Variants in ACER3 observed in about 807,000 individuals in gnomAD.
The protein encoded by ACER3 is alkCDase 3.
Under a neutral mutation model 48.9 loss-of-function variants are expected in ACER3, and 16 were observed. The observed-to-expected ratio is 0.33, with a 90% confidence interval of 0.22 to 0.50. The LOEUF (loss-of-function observed/expected upper bound fraction) is 0.50, where lower values mean the gene tolerates loss of function less well. ACER3 is among the 20% of genes least tolerant of loss of function. The probability of loss-of-function intolerance (pLI) is 0.98; values close to 1 mark genes in which losing one functional copy is unlikely to be tolerated. For missense variants in ACER3, 227 were observed against 326.0 expected, an observed-to-expected ratio of 0.70 and a Z score of 2.34; for synonymous variants, 109 against 107.8, an observed-to-expected ratio of 1.01 and a Z score of -0.07.
chr11:76,998,566 A>G, intron 6 of ACER3, 197 bp from the exon 7 acceptor site: 1 of 494,138 alleles, frequency 2.0e-6, no homozygotes, highest in South Asian at 2.8e-5. Context: ...TAATAAAGTT[A>G]AGCAGACTCT....
chr11:76,942,692 T>C (rs1420536110), intron 2 of ACER3, among the ~76,000 whole-genome samples: 2 of 152,046 alleles, frequency 1.3e-5, no homozygotes, highest in Non-Finnish European at 2.9e-5. Flanking sequence ...ATGGTGATTC[T>C]GGCTTTGTAG....
chr11:76,945,812 G>C (rs1459783429), intron 2 of ACER3, among the ~76,000 whole-genome samples: 1 of 152,190 alleles, frequency 6.6e-6, no homozygotes, highest in African/African-American at 2.4e-5. Flanking sequence ...CAATCCACTG[G>C]GAGCCACGTG....
chr11:76,887,811 C>CTTTTTTTTTTTTTTTTTTTTTT (rs67954212), intron 1 of ACER3, among the ~76,000 whole-genome samples: 1 of 87,188 alleles, frequency 1.1e-5, no homozygotes, highest in Admixed American at 1.4e-4. Flanking sequence ...CTATAGGTAA[C>CTTTTTTTTTTTTTTTTTTTTTT]TTTTTTTTTT....
At chr11:76,964,984 A>G (rs537049363) in intron 3 of ACER3, among the ~76,000 whole-genome samples, 1 of 151,522 alleles carries the variant, frequency 6.6e-6, no homozygotes, top group African/African-American at 2.5e-5. Context: ...AGTTGAGAGA[A>G]GAAGGCTTCA....
At chr11:77,014,661 C>A (rs1424526779) in intron 7 of ACER3, among the ~76,000 whole-genome samples, 1 of 152,210 alleles carries the variant, frequency 6.6e-6, no homozygotes, top group Non-Finnish European at 1.5e-5. Flanking sequence ...TATTTCTCAG[C>A]ACCTTTTATT....
intron 1 of ACER3, among the ~76,000 whole-genome samples, chr11:76,906,121 T>G (rs1319680673): frequency 2.0e-5 from 3 of 152,224 alleles, no homozygotes; most frequent in Non-Finnish European, 4.4e-5. Context: ...ATTTCGTTTA[T>G]AGTTTTTAAC....
At chr11:77,019,643 A>T in intron 9 of ACER3, 88 bp from the exon 10 acceptor site, 5 of 1,288,770 alleles carry the variant, frequency 3.9e-6, no homozygotes, top group Non-Finnish European at 4.5e-6. Flanking sequence ...GTACATGCAG[A>T]AGCACTATGG....
chr11:77,004,105 C>T (rs1949086665), intron 7 of ACER3, among the ~76,000 whole-genome samples: 1 of 152,186 alleles, frequency 6.6e-6, no homozygotes, highest in African/African-American at 2.4e-5. Flanking sequence ...CAGTGTTCCC[C>T]ATGACTACCC....
intron 2 of ACER3, among the ~76,000 whole-genome samples, chr11:76,928,958 C>T (rs1474910394): frequency 6.6e-6 from 1 of 152,068 alleles, no homozygotes; most frequent in Non-Finnish European, 1.5e-5. Flanking sequence ...TTTTTTAGTT[C>T]CATATGAACT....
At chr11:76,978,376 T>G (rs1336165406) in intron 4 of ACER3, 1 of 152,204 alleles carries the variant, frequency 6.6e-6, no homozygotes, top group South Asian at 2.1e-4. Context: ...CCAGCCAGAC[T>G]CACACAGATG....
At chr11:76,994,116 T>C (rs1189971783) in intron 6 of ACER3, 5 of 446,294 alleles carry the variant, frequency 1.1e-5, no homozygotes, top group Non-Finnish European at 2.2e-5. Context: ...TATTCAACTA[T>C]ATTGTAGGGA....
chr11:77,016,516 G>C (rs1273649664), intron 8 of ACER3, among the ~76,000 whole-genome samples, 159 bp from the exon 9 acceptor site: 3 of 152,212 alleles, frequency 2.0e-5, no homozygotes, highest in Non-Finnish European at 2.9e-5. Flanking sequence ...CTGTTCCTCA[G>C]AATGTACTTT....
intron 1 of ACER3, among the ~76,000 whole-genome samples, chr11:76,877,841 G>A (rs1027070775): frequency 1.3e-5 from 2 of 151,584 alleles, no homozygotes; most frequent in African/African-American, 4.9e-5. Context: ...TTACCACTTT[G>A]CATTCCTAAA....
At chr11:76,940,382 G>GT (rs1377261008) in intron 2 of ACER3, among the ~76,000 whole-genome samples, 1 of 152,056 alleles carries the variant, frequency 6.6e-6, no homozygotes, top group Non-Finnish European at 1.5e-5. Flanking sequence ...TAATACTTTT[G>GT]TAACTTTTTT....
intron 3 of ACER3, among the ~76,000 whole-genome samples, chr11:76,971,409 A>G (rs955231879): frequency 1.3e-4 from 19 of 152,000 alleles, no homozygotes; most frequent in Non-Finnish European, 1.0e-4. Context: ...GTGTGGTGGC[A>G]CGCGCCCACA....
At chr11:76,873,350 G>A (rs1453944241) in intron 1 of ACER3, among the ~76,000 whole-genome samples, 1 of 152,198 alleles carries the variant, frequency 6.6e-6, no homozygotes, top group Non-Finnish European at 1.5e-5. Flanking sequence ...AGGAAAGTAA[G>A]TTCAAAAGGA....
chr11:76,897,061 G>A (rs1447734614), intron 1 of ACER3, among the ~76,000 whole-genome samples: 2 of 152,094 alleles, frequency 1.3e-5, no homozygotes, highest in East Asian at 3.9e-4. Flanking sequence ...GGGCTCAAGT[G>A]ATTCTCATGA....
intron 6 of ACER3, 134 bp downstream of exon 6, chr11:76,990,708 T>C (rs1565216606): frequency 3.3e-6 from 2 of 611,578 alleles, no homozygotes; most frequent in Non-Finnish European, 5.8e-6. Flanking sequence ...AAGTTCAGTG[T>C]TTAAAAGGGA....
rs554650050 is a variant in ACER3 at position 77,019,876 on chromosome 11, A to T, written c.750+100A>T. ...AAAGGGGAGTTTGGAGAGGTAGTGG[A>T]GCAAACACAGGCTTTGGAACCAAAG... On this transcript the variant is annotated intron_variant, in intron 10 of 10. Transcript: ENST00000532485. 250 of 1,231,790 alleles carry T rather than the reference A, an allele frequency of 2.0e-4. No homozygotes were observed. The South Asian group carries it at 3.0e-3, about 15-fold the overall frequency. 76.3% of individuals were successfully genotyped at this position (1,231,790 alleles called of 1,614,324 possible). A position where few individuals can be genotyped will look rare whatever the true frequency, so the allele number is the denominator to read the frequency against.
Sources: gnomAD v4.1 joint callset for allele counts (sites outside exome capture counted in the v4.1 genomes callset) on GRCh38, gnomAD v4.1.1 for gene constraint, MANE v1.5 for transcripts, NCBI Gene and HGNC (gene_info 2026-07-23, HGNC 2026-07-21) for gene names.